Variants in IGSF22 observed in about 807,000 individuals in gnomAD.
IGSF22 encodes immunoglobulin superfamily, member 22.
In IGSF22, 119 loss-of-function variants were observed where a neutral mutation model predicts 127.0. That is an observed-to-expected ratio of 0.94 (90% CI 0.81 to 1.09). IGSF22 has a LOEUF of 1.09. Among genes scored for constraint, IGSF22 ranks in the 50% least tolerant of loss-of-function variants. The pLI, the probability that IGSF22 is intolerant of heterozygous loss-of-function variation, is 0.00. For synonymous variants in IGSF22, 568 were observed against 664.7 expected, an observed-to-expected ratio of 0.85 and a Z score of 2.24; for missense variants, 1,518 against 1,716.6, an observed-to-expected ratio of 0.88 and a Z score of 2.04.
Position 18,707,898 on chromosome 11 carries a change from A to G in IGSF22, c.3186T>C (p.Ile1062=). Residue 1062 remains isoleucine, a synonymous_variant, in exon 20 of 23, where the codon ATT becomes ATC. Transcript: ENST00000513874. ...CTGAGTCAGAGCGCTTGGTGCTATTAATGAGGAACTGGGAGTGGTTTTTGC... is the reference window on the plus strand; with the variant it reads ...CTGAGTCAGAGCGCTTGGTGCTATTGATGAGGAACTGGGAGTGGTTTTTGC... ...TKSKNHSQFL[I]NSTKRSDSGV... 3 of 1,614,134 alleles carry G rather than the reference A, an allele frequency of 1.9e-6. No homozygotes were observed. The highest frequency in any genetic ancestry group is 2.5e-6 in the Non-Finnish European group (3 of 1,180,036).
rs929249705 is a variant in IGSF22 at position 18,721,737 on chromosome 11, C to T, written c.242-66G>A. 3.7e-6 allele frequency: 6 copies of T among 1,603,646 alleles called. No homozygotes were observed. In the African/African-American group the frequency reaches 5.4e-5, roughly 14 times the overall value. Reference sequence around the variant, plus strand: ...AGGCTAGAGCCTCTGCCACCCTCTGCCGGCTCTCTGCCTCCTCCCAGACAC... The same window carrying T: ...AGGCTAGAGCCTCTGCCACCCTCTGTCGGCTCTCTGCCTCCTCCCAGACAC... On this transcript the variant is annotated intron_variant, in intron 3 of 22. Coordinates refer to ENST00000513874, the MANE Select transcript of IGSF22 (RefSeq NM_173588.4).
At chr11:18,710,030 A>G (rs549790954) in intron 17 of IGSF22, among the ~76,000 whole-genome samples, 2 of 152,182 alleles carry the variant, frequency 1.3e-5, no homozygotes, top group South Asian at 4.1e-4. Flanking sequence ...AACACCCTCC[A>G]ACCATCTACC....
In IGSF22 at chr11:18,713,860, C is replaced by G; in HGVS notation, c.2087G>C (p.Ser696Thr). The change falls in exon 14 of 23, where the codon AGT becomes ACT. Residue 696 changes from serine to threonine, a missense_variant. Coordinates refer to ENST00000513874, the MANE Select transcript of IGSF22 (RefSeq NM_173588.4). The stretch of plus-strand genomic sequence containing the variant: ...ACTGGCCCTGCCCTGACCCAGCACA[C>G]TAAGGTGCAGAGTGGCCGTGGCTGA... The part of the protein sequence containing the change: ...HGSATATLHL[S>T]VLDRPKPPQG... The G allele has an allele frequency of 2.5e-6, 4 of 1,612,662 alleles. No individual in the cohort carries two copies. Among genetic ancestry groups the G allele is most frequent in the Non-Finnish European group, 3.4e-6 (4 of 1,179,346 alleles).
In IGSF22 at chr11:18,724,197, C is replaced by T. The variant is rs539542682; in HGVS notation, c.40G>A (p.Val14Met). 20 of 1,613,958 alleles carry T rather than the reference C, an allele frequency of 1.2e-5. No homozygotes were observed. The East Asian group carries it at 1.6e-4, about 13-fold the overall frequency. ...IHSRQMLQEH[V>M]SMEFSSSTTH... ...GTGGAGCTGGAGAACTCCATGGACA[C>T]GTGCTCCTGCAGCATCTGCCGGCTG... Residue 14 changes from valine (V) to methionine (M), a missense_variant, in exon 2 of 23, where the codon GTG (valine) becomes ATG (methionine). Coordinates refer to ENST00000513874, the MANE Select transcript of IGSF22 (RefSeq NM_173588.4).
chr11:18,724,754 CACT>C (rs1207416025), intron 1 of IGSF22, among the ~76,000 whole-genome samples: 2 of 152,196 alleles, frequency 1.3e-5, no homozygotes, highest in Non-Finnish European at 2.9e-5. Context: ...GACAAAACAT[CACT>C]ACAATTCTGC....
chr11:18,709,698 A>G lies in IGSF22; in HGVS notation c.2702-15T>C, dbSNP rs1181818851. Reference sequence around the variant, plus strand: ...GCCTGGGGGTTCTGGGGTAGAACAGACATGTAGTCAGCCCCTCCAACTCAT... The same window carrying G: ...GCCTGGGGGTTCTGGGGTAGAACAGGCATGTAGTCAGCCCCTCCAACTCAT... On this transcript the variant is annotated splice_polypyrimidine_tract_variant and intron_variant, in intron 17 of 22. Coordinates refer to ENST00000513874, the MANE Select transcript of IGSF22 (RefSeq NM_173588.4). This position sits in a 1 kb window ranked among gnomAD's most constrained non-coding sequence, Gnocchi z 4.8. The G allele has an allele frequency of 6.2e-7, 1 of 1,607,582 alleles. No homozygotes were observed. Among genetic ancestry groups the G allele is most frequent in the South Asian group, 1.1e-5 (1 of 90,556 alleles).
Position 18,713,946 on chromosome 11 carries a change from G to A in IGSF22, c.2001C>T (p.Ile667=), listed in dbSNP as rs1289785593. 2 of 1,614,270 alleles carry A rather than the reference G, an allele frequency of 1.2e-6. No individual in the cohort carries two copies. The highest frequency in any genetic ancestry group is 1.1e-5 in the South Asian group (1 of 91,090). The change falls in exon 14 of 23, where the codon ATC becomes ATT. Residue 667 remains isoleucine, a synonymous_variant. Transcript: ENST00000513874. ...CGCTGTCTTCACGCACACAGTTGGA[G>A]ATGGTGAGCAGTGCCTGGTCTTCCC... ...ERGEDQALLT[I]SNCVREDSGL... is the part of the protein sequence containing the mutation.
rs778809892 is a variant in IGSF22, at chr11:18,715,728, C to G, written c.1247-12G>C. 1 of 1,600,872 alleles carries G rather than the reference C, an allele frequency of 6.2e-7. No individual in the cohort carries two copies. Among genetic ancestry groups the G allele is most frequent in the African/African-American group, 1.3e-5 (1 of 74,802 alleles). ...CTTGATGGGGATGCCTGTGGACAGA[C>G]AGACACTTGGGCCTGCTCCCAAACC... On this transcript the variant is annotated splice_polypyrimidine_tract_variant and intron_variant, in intron 10 of 22. Transcript: ENST00000513874.
intron 15 of IGSF22, 49 bp downstream of exon 15, chr11:18,712,033 C>T: frequency 6.7e-7 from 1 of 1,481,586 alleles, no homozygotes; most frequent in Non-Finnish European, 9.1e-7. Context: ...CTTAAGGTCT[C>T]CATGCTGACC....
In IGSF22 at chr11:18,709,615, G is replaced by A. The variant is rs199828424; in HGVS notation, c.2770C>T (p.Arg924Trp). The change falls in exon 18 of 23, where the codon CGG (arginine) becomes TGG (tryptophan). Residue 924 changes from arginine (R) to tryptophan (W), a missense_variant. Coordinates refer to ENST00000513874, the MANE Select transcript of IGSF22 (RefSeq NM_173588.4). This position sits in a 1 kb window ranked among gnomAD's most constrained non-coding sequence, Gnocchi z 4.8. ...SSNSSISLAW[R>W]EPAEGDPPSG... is the part of the protein sequence containing the mutation. ...GGTGGGTCTCCCTCTGCAGGCTCCC[G>A]CCAGGCCAGGGAAATGCTGGAGTTG... is the stretch of plus-strand genomic sequence containing the variant. 1.4e-4 allele frequency: 221 copies of A among 1,614,072 alleles called. No homozygotes were observed. In the Middle Eastern group the frequency reaches 3.3e-3, roughly 24 times the overall value.
chr11:18,718,482 C>A, intron 8 of IGSF22, 133 bp downstream of exon 8: 1 of 711,864 alleles, frequency 1.4e-6, no homozygotes, highest in Non-Finnish European at 2.6e-6. Flanking sequence ...AGCCCAATTC[C>A]AGCCTCTTTC....
Position 18,721,579 on chromosome 11 carries a change from C to T in IGSF22, c.334G>A (p.Ala112Thr), listed in dbSNP as rs1297158281. The change falls in exon 4 of 23, where the codon GCC becomes ACC. Residue 112 changes from alanine to threonine, a missense_variant. This residue lies in a region of IGSF22 where 1,456 missense variants were observed against 1,644.9 expected (regional missense o/e 0.89). Coordinates refer to ENST00000513874, the MANE Select transcript of IGSF22 (RefSeq NM_173588.4). The stretch of plus-strand genomic sequence containing the variant: ...TTAATGCTGTCGTAGAATATCTTGG[C>T]GGACTCCTTGATGGGGATGCCGCTC... The part of the protein sequence containing the change: ...RESGIPIKES[A>T]KIFYDSINKE... The T allele has an allele frequency of 6.2e-7, 1 of 1,614,118 alleles. No individual in the cohort carries two copies. The highest frequency in any genetic ancestry group is 8.5e-7 in the Non-Finnish European group (1 of 1,180,046).
chr11:18,724,885 C>T (rs1408994427), intron 1 of IGSF22, among the ~76,000 whole-genome samples: 3 of 152,078 alleles, frequency 2.0e-5, no homozygotes, highest in Non-Finnish European at 4.4e-5. Context: ...TGGACAGGCT[C>T]CCTCCCACTC....
chr11:18,708,243 G>A lies in IGSF22; in HGVS notation c.3051C>T (p.Arg1017=), dbSNP rs912994229. ...SARLKSHMVV[R]AGTALCIHAA... is the part of the protein sequence containing the mutation. ...CATGGATGCAGAGGGCTGTCCCAGC[G>A]CGAACCACCATGTGACTCTTCAGCC... The change falls in exon 19 of 23, where the codon CGC becomes CGT. Residue 1017 remains arginine, a synonymous_variant. Transcript: ENST00000513874. 41 of 1,548,804 alleles carry A rather than the reference G, an allele frequency of 2.6e-5. No individual in the cohort carries two copies. Among genetic ancestry groups the A allele is most frequent in the African/African-American group, 2.1e-4 (15 of 73,006 alleles).
chr11:18,710,745 C>T lies in IGSF22; in HGVS notation c.2482G>A (p.Asp828Asn). ...TAGCCGAGCACTGGGGCTCCCCCAT[C>T]CTGGGTAGGGGCATTCCACGTGATG... Reference protein sequence around the residue: ...VTITWNAPTQDGGAPVLGYIV... With the variant: ...VTITWNAPTQNGGAPVLGYIV... The change falls in exon 16 of 23, where the codon GAT becomes AAT. Residue 828 changes from aspartate to asparagine, a missense_variant. Coordinates refer to ENST00000513874, the MANE Select transcript of IGSF22 (RefSeq NM_173588.4). 3.1e-6 allele frequency: 5 copies of T among 1,614,158 alleles called. No individual in the cohort carries two copies. Among genetic ancestry groups the T allele is most frequent in the Non-Finnish European group, 4.2e-6 (5 of 1,179,998 alleles).
intron 19 of IGSF22, 57 bp from the exon 20 acceptor site, chr11:18,708,053 C>T: frequency 1.3e-6 from 2 of 1,595,926 alleles, no homozygotes; most frequent in Non-Finnish European, 1.7e-6. Context: ...TGGGGGCAGG[C>T]CTTCCTCCAT....
Position 18,706,156 on chromosome 11 carries a change from C to T in IGSF22, c.3581-10G>A, listed in dbSNP as rs368308708. ...GCGCTCAGGTCCTGGACTGCGCGGGCGGGGCGGGGCAGGCCGTGAGGGCGC... is the reference window on the plus strand; with the variant it reads ...GCGCTCAGGTCCTGGACTGCGCGGGTGGGGCGGGGCAGGCCGTGAGGGCGC... On this transcript the variant is annotated splice_polypyrimidine_tract_variant and intron_variant, in intron 21 of 22. Coordinates refer to ENST00000513874, the MANE Select transcript of IGSF22 (RefSeq NM_173588.4). 31 of 1,527,870 alleles carry T rather than the reference C, an allele frequency of 2.0e-5. No individual in the cohort carries two copies. The African/African-American group carries it at 2.8e-4, about 14-fold the overall frequency. The allele number at this position is 1,527,870 out of a possible 1,614,324, so 94.6% of individuals were successfully genotyped here.
chr11:18,705,822 A>C lies in IGSF22; in HGVS notation c.3905T>G (p.Val1302Gly), dbSNP rs1848214600. ...GGACCCCGCGGCGCCCTCACCATAG[A>C]CGGTGAGCGTGCAGCTGCTGCGGTC... is the stretch of plus-strand genomic sequence containing the variant. ...GKDRSSCTLT[V>G]YDKDDKSVVA... is the part of the protein sequence containing the mutation. The change falls in exon 22 of 23, where the codon GTC becomes GGC. Residue 1302 changes from valine (V) to glycine (G), a missense_variant. Val to Gly is a moderately radical substitution (Grantham distance 109). This residue lies in a region of IGSF22 where 58 missense variants were observed against 53.0 expected (regional missense o/e 1.10). Transcript: ENST00000513874. The C allele has an allele frequency of 6.5e-7, 1 of 1,545,064 alleles. No individual in the cohort carries two copies. Among genetic ancestry groups the C allele is most frequent in the Non-Finnish European group, 8.7e-7 (1 of 1,144,518 alleles).
At position 18,722,622 on chromosome 11, in the gene IGSF22, C is replaced by CAA. The variant is rs71443713; in HGVS notation, c.110-583_110-582dup. Among the ~76,000 whole-genome samples, 207 of 152,038 alleles carry CAA rather than the reference C, an allele frequency of 1.4e-3. 1 individual carries two copies. The South Asian group carries it at 0.021, about 16-fold the overall frequency. On this transcript the variant is annotated intron_variant, in intron 2 of 22. Coordinates refer to ENST00000513874, the MANE Select transcript of IGSF22 (RefSeq NM_173588.4). Reference sequence around the variant, plus strand: ...GAAATATAATTTTATATTTGGAAAACAAAAAAAACTGTTTTTGCAGTATAA... The same window carrying CAA: ...GAAATATAATTTTATATTTGGAAAACAAAAAAAAAACTGTTTTTGCAGTATAA...
Sources: gnomAD v4.1 joint callset for allele counts (sites outside exome capture counted in the v4.1 genomes callset) on GRCh38, gnomAD v4.1.1 for gene constraint, gnomAD v4.1.1 regional missense constraint, Gnocchi (gnomAD v3.1) non-coding constraint, MANE v1.5 for transcripts, NCBI Gene and HGNC (gene_info 2026-07-23, HGNC 2026-07-21) for gene names.